The following ACVRL1 variants were observed in gnomAD, a reference collection of about 807,000 sequenced individuals.
ACVRL1 encodes activin receptor type-1-like.
Under a neutral mutation model 51.9 loss-of-function variants are expected in ACVRL1, and 20 were observed. That is an observed-to-expected ratio of 0.39 (90% CI 0.27 to 0.56). The LOEUF is 0.56. ACVRL1 is among the 20% of genes least tolerant of loss of function. The pLI, the probability that ACVRL1 is intolerant of heterozygous loss-of-function variation, is 0.67. For missense variants in ACVRL1, 451 were observed against 670.3 expected (o/e 0.67, Z 3.61); for synonymous variants, 288 against 280.9 (o/e 1.03, Z -0.25).
rs149668653 is a variant in ACVRL1 at position 51,919,860 on chromosome 12, G to A, written c.1377+745G>A. Reference sequence around the variant, plus strand: ...TACACTCACAGAAATATACACATGCGCATATATGCCAGACTGTTGGCCCCG... The same window carrying A: ...TACACTCACAGAAATATACACATGCACATATATGCCAGACTGTTGGCCCCG... On this transcript the variant is annotated intron_variant, in intron 9 of 9. Transcript: ENST00000388922. Among the ~76,000 whole-genome samples, 727 of 152,168 alleles carry A rather than the reference G, an allele frequency of 4.8e-3. 7 individuals carry two copies. Among genetic ancestry groups the A allele is most frequent in the African/African-American group, 0.016 (672 of 41,498 alleles).
chr12:51,915,143 C>T, intron 6 of ACVRL1, 82 bp from the exon 7 acceptor site: 1 of 1,510,024 alleles, frequency 6.6e-7, no homozygotes, highest in South Asian at 1.2e-5. Flanking sequence ...TCCCTCTCCC[C>T]CAACCCCACC....
chr12:51,913,249 A>G lies in ACVRL1; in HGVS notation c.212A>G (p.Asn71Ser). The change falls in exon 3 of 10, where the codon AAC (asparagine) becomes AGC (serine). Residue 71 changes from asparagine (N) to serine (S), a missense_variant. Coordinates refer to ENST00000388922, the MANE Select transcript of ACVRL1 (RefSeq NM_000020.3). ...RHPQEHRGCGNLHRELCRGRP... is the reference protein window; with the variant it reads ...RHPQEHRGCGSLHRELCRGRP... ...CCCCAGGAACATCGGGGCTGCGGGA[A>G]CTTGCACAGGGAGCTCTGCAGGGGG... 1 of 1,593,768 alleles carries G rather than the reference A, an allele frequency of 6.3e-7. No homozygotes were observed. The highest frequency in any genetic ancestry group is 1.3e-5 in the African/African-American group (1 of 74,692).
rs1282852318 is a variant in ACVRL1 at position 51,923,338 on chromosome 12, C to T, written c.*2445C>T. 1 of 152,262 alleles carries T rather than the reference C, an allele frequency of 6.6e-6. No individual in the cohort carries two copies. Among genetic ancestry groups the T allele is most frequent in the Admixed American group, 6.5e-5 (1 of 15,282 alleles). 9.4% of individuals were successfully genotyped at this position (152,262 alleles called of 1,614,324 possible). A position where few individuals can be genotyped will look rare whatever the true frequency, so the allele number is the denominator to read the frequency against. On this transcript the variant is annotated 3_prime_UTR_variant, in exon 10 of 10. Coordinates refer to ENST00000388922, the MANE Select transcript of ACVRL1 (RefSeq NM_000020.3). ...TCATGCCTGGCACACAATAGGTCTG[C>T]AATAAACCATGGTTAAATCCTGAGC...
At chr12:51,918,556 C>A (rs1485789765) in intron 8 of ACVRL1, among the ~76,000 whole-genome samples, 1 of 152,122 alleles carries the variant, frequency 6.6e-6, no homozygotes, top group Non-Finnish European at 1.5e-5. Context: ...GTCCCGGGCA[C>A]TGGGTGGAAG....
chr12:51,911,239 A>C (rs1176577481), intron 1 of ACVRL1, among the ~76,000 whole-genome samples: 1 of 152,228 alleles, frequency 6.6e-6, no homozygotes, highest in Non-Finnish European at 1.5e-5. Context: ...TGAGAAATGA[A>C]GACTGGGTGG....
chr12:51,916,645 G>T (rs375764179), intron 8 of ACVRL1, among the ~76,000 whole-genome samples: 1 of 152,210 alleles, frequency 6.6e-6, no homozygotes, highest in Non-Finnish European at 1.5e-5. Flanking sequence ...TGCCATGACC[G>T]TGCGTAGGTT....
rs760903767 is a variant in ACVRL1, at chr12:51,916,021, G to C, written c.1049-15G>C. The C allele has an allele frequency of 6.2e-7, 1 of 1,609,872 alleles. No homozygotes were observed. Among genetic ancestry groups the C allele is most frequent in the South Asian group, 1.1e-5 (1 of 90,814 alleles). On this transcript the variant is annotated splice_polypyrimidine_tract_variant and intron_variant, in intron 7 of 9. Transcript: ENST00000388922. ...TTTGGGAGAGGGGCAGGAGTGACAG[G>C]CCTCACCCCCACAGGCCTGGCTGTG...
At chr12:51,919,892 C>T (rs1258687940) in intron 9 of ACVRL1, among the ~76,000 whole-genome samples, 1 of 152,166 alleles carries the variant, frequency 6.6e-6, no homozygotes, top group African/African-American at 2.4e-5. Flanking sequence ...CCCGTGAGGA[C>T]AAAGAACGTG....
In ACVRL1 at chr12:51,917,675, C is replaced by T. The variant is rs560383084; in HGVS notation, c.1247-1310C>T. Among the ~76,000 whole-genome samples the T allele has an allele frequency of 1.5e-4, 23 of 152,242 alleles. No individual in the cohort carries two copies. The highest frequency in any genetic ancestry group is 4.3e-4 in the African/African-American group (18 of 41,542). On this transcript the variant is annotated intron_variant, in intron 8 of 9. Coordinates refer to ENST00000388922, the MANE Select transcript of ACVRL1 (RefSeq NM_000020.3). This position sits in a 1 kb window ranked among gnomAD's most constrained non-coding sequence, Gnocchi z 4.2. ...CTGAAAACAGAGGCTGTGGTGTCAC[C>T]GGTCCCTTGGGGAGACTCACGAGGT...
chr12:51,909,707 C>T (rs978664945), intron 1 of ACVRL1, among the ~76,000 whole-genome samples: 3 of 152,188 alleles, frequency 2.0e-5, no homozygotes, highest in East Asian at 1.9e-4. Context: ...TATTAAGACA[C>T]GCTCAGTGAC....
chr12:51,914,029 T>C lies in ACVRL1; in HGVS notation c.581T>C (p.Val194Ala). ...TGSGSGLPFL[V>A]QRTVARQVAL... ...AGTGGCTCAGGGCTCCCCTTCCTGG[T>C]GCAGAGGACAGTGGCACGGCAGGTT... is the stretch of plus-strand genomic sequence containing the variant. The change falls in exon 5 of 10, where the codon GTG becomes GCG. Residue 194 changes from valine to alanine, a missense_variant. Val to Ala is a moderately conservative substitution (Grantham distance 64). Around this residue, in one of 2 missense-constraint regions of ACVRL1, gnomAD observed 259 missense variants for 453.4 expected, o/e 0.57. Transcript: ENST00000388922. 2 of 1,613,874 alleles carry C rather than the reference T, an allele frequency of 1.2e-6. No homozygotes were observed. Among genetic ancestry groups the C allele is most frequent in the Non-Finnish European group, 1.7e-6 (2 of 1,179,878 alleles).
At position 51,921,068 on chromosome 12, in the gene ACVRL1, T is replaced by A; in HGVS notation, c.*175T>A. ...CCAAAAATACAGCTGGGCTGAAACC[T>A]GATCCCCTGCTGTCTGGCCTGCTCA... On this transcript the variant is annotated 3_prime_UTR_variant, in exon 10 of 10. Transcript: ENST00000388922. The A allele has an allele frequency of 1.3e-6, 1 of 760,706 alleles. No individual in the cohort carries two copies. Among genetic ancestry groups the A allele is most frequent in the Non-Finnish European group, 2.2e-6 (1 of 462,224 alleles). 47.1% of individuals were successfully genotyped at this position (760,706 alleles called of 1,614,324 possible).
chr12:51,914,361 C>T lies in ACVRL1; in HGVS notation c.626-78C>T, dbSNP rs143065584. The T allele has an allele frequency of 4.3e-5, 68 of 1,597,346 alleles. No homozygotes were observed. The Middle Eastern group carries it at 8.1e-4, about 19-fold the overall frequency. ...TGGGTGGGGTGGGCGAGGGAGGCAGCGCAGCATCAAGATGGGGGGCTCTTC... is the reference window on the plus strand; with the variant it reads ...TGGGTGGGGTGGGCGAGGGAGGCAGTGCAGCATCAAGATGGGGGGCTCTTC... On this transcript the variant is annotated intron_variant, in intron 5 of 9. Coordinates refer to ENST00000388922, the MANE Select transcript of ACVRL1 (RefSeq NM_000020.3).
At chr12:51,918,711 T>C (rs1940899813) in intron 8 of ACVRL1, among the ~76,000 whole-genome samples, 1 of 152,224 alleles carries the variant, frequency 6.6e-6, no homozygotes, top group Admixed American at 6.5e-5. Context: ...GTAATACTAG[T>C]ACCCACCCCA....
chr12:51,914,034 A>G lies in ACVRL1; in HGVS notation c.586A>G (p.Arg196Gly). 3 of 1,613,914 alleles carry G rather than the reference A, an allele frequency of 1.9e-6. No individual in the cohort carries two copies. The highest frequency in any genetic ancestry group is 1.7e-6 in the Non-Finnish European group (2 of 1,179,880). ...CTCAGGGCTCCCCTTCCTGGTGCAG[A>G]GGACAGTGGCACGGCAGGTTGCCTT... ...SGSGLPFLVQRTVARQVALVE... is the reference protein window; with the variant it reads ...SGSGLPFLVQGTVARQVALVE... Residue 196 changes from arginine to glycine, a missense_variant, in exon 5 of 10, where the codon AGG becomes GGG. Physicochemically the swap from Arg to Gly is moderately radical, Grantham distance 125. Around this residue, in one of 2 missense-constraint regions of ACVRL1, gnomAD observed 259 missense variants for 453.4 expected, o/e 0.57. Transcript: ENST00000388922.
At position 51,912,494 on chromosome 12, in the gene ACVRL1, G is replaced by A. The variant is rs1940712916; in HGVS notation, c.20G>A (p.Arg7Lys). 5 of 1,614,058 alleles carry A rather than the reference G, an allele frequency of 3.1e-6. No individual in the cohort carries two copies. Among genetic ancestry groups the A allele is most frequent in the Non-Finnish European group, 4.2e-6 (5 of 1,180,024 alleles). MTLGSP[R>K]KGLLMLLMAL... is the part of the protein sequence containing the mutation. The stretch of plus-strand genomic sequence containing the variant: ...GGGACCATGACCTTGGGCTCCCCCA[G>A]GAAAGGCCTTCTGATGCTGCTGATG... Residue 7 changes from arginine (R) to lysine (K), a missense_variant, in exon 2 of 10, where the codon AGG becomes AAG. Coordinates refer to ENST00000388922, the MANE Select transcript of ACVRL1 (RefSeq NM_000020.3).
chr12:51,922,681 C>T lies in ACVRL1; in HGVS notation c.*1788C>T, dbSNP rs1285701150. On this transcript the variant is annotated 3_prime_UTR_variant, in exon 10 of 10. Coordinates refer to ENST00000388922, the MANE Select transcript of ACVRL1 (RefSeq NM_000020.3). ...GGAATATAAGGAGCGGGGGTGGAGACTCAGGCTATGGACAAGGACAGCCCC... is the reference window on the plus strand; with the variant it reads ...GGAATATAAGGAGCGGGGGTGGAGATTCAGGCTATGGACAAGGACAGCCCC... 6.6e-6 allele frequency: 1 copy of T among 152,348 alleles called. No homozygotes were observed. The highest frequency in any genetic ancestry group is 2.4e-5 in the African/African-American group (1 of 41,438). 9.4% of individuals were successfully genotyped at this position (152,348 alleles called of 1,614,324 possible). A position where few individuals can be genotyped will look rare whatever the true frequency, so the allele number is the denominator to read the frequency against.
chr12:51,920,942 G>GGGGGGGGGGGGGGGGGGGCC lies in ACVRL1; in HGVS notation c.*52_*53insGGGGGGGGGGGGGGGCCGGG. 3.2e-6 allele frequency: 2 copies of GGGGGGGGGGGGGGGGGGGCC among 629,038 alleles called. No individual in the cohort carries two copies. Among genetic ancestry groups the GGGGGGGGGGGGGGGGGGGCC allele is most frequent in the Non-Finnish European group, 5.9e-6 (2 of 341,656 alleles). 39.0% of individuals were successfully genotyped at this position (629,038 alleles called of 1,614,324 possible). On this transcript the variant is annotated 3_prime_UTR_variant, in exon 10 of 10. Coordinates refer to ENST00000388922, the MANE Select transcript of ACVRL1 (RefSeq NM_000020.3). ...TGCCTGCAGGGGGCTGGGGGGGTGG[G>GGGGGGGGGGGGGGGGGGGCC]GGGCAGTGGATGGTGCCCTATCTGG...
rs1215751250 is a variant in ACVRL1, at chr12:51,913,671, T to A, written c.426T>A (p.His142Gln). 2 of 1,609,952 alleles carry A rather than the reference T, an allele frequency of 1.2e-6. No individual in the cohort carries two copies. Among genetic ancestry groups the A allele is most frequent in the Non-Finnish European group, 8.5e-7 (1 of 1,179,998 alleles). Reference protein sequence around the residue: ...LVALGVLGLWHVRRRQEKQRG... With the variant: ...LVALGVLGLWQVRRRQEKQRG... The stretch of plus-strand genomic sequence containing the variant: ...CCCTGGGTGTCCTGGGCCTGTGGCA[T>A]GTCCGACGGAGGCAGGAGAAGCAGC... The change falls in exon 4 of 10, where the codon CAT becomes CAA. Residue 142 changes from histidine to glutamine, a missense_variant. By Grantham distance (24) the His-to-Gln change is conservative. Around this residue, in one of 2 missense-constraint regions of ACVRL1, gnomAD observed 192 missense variants for 216.9 expected, o/e 0.89. Transcript: ENST00000388922.
Sources: gnomAD v4.1 joint callset for allele counts (sites outside exome capture counted in the v4.1 genomes callset) on GRCh38, gnomAD v4.1.1 for gene constraint, gnomAD v4.1.1 regional missense constraint, Gnocchi (gnomAD v3.1) non-coding constraint, MANE v1.5 for transcripts, NCBI Gene and HGNC (gene_info 2026-07-23, HGNC 2026-07-21) for gene names.